The following UNC80 variants were observed in gnomAD, a reference collection of about 807,000 sequenced individuals.
UNC80 encodes the protein protein unc-80 homolog.
Under a neutral mutation model 384.6 loss-of-function variants are expected in UNC80, and 164 were observed. That is an observed-to-expected ratio of 0.43 (90% CI 0.38 to 0.49). UNC80 has a LOEUF of 0.49. Ranked by LOEUF, UNC80 falls within the 20% of genes least tolerant of loss-of-function variation. The probability of loss-of-function intolerance (pLI) is 0.00; values close to 1 mark genes in which losing one functional copy is unlikely to be tolerated. For synonymous variants in UNC80, 1,486 were observed against 1,527.8 expected, an observed-to-expected ratio of 0.97 and a Z score of 0.64; for missense variants, 3,330 against 4,143.0, an observed-to-expected ratio of 0.80 and a Z score of 5.39.
intron 26 of UNC80, among the ~76,000 whole-genome samples, chr2:209,889,961 T>G (rs1277326776): frequency 6.6e-6 from 1 of 152,200 alleles, no homozygotes; most frequent in African/African-American, 2.4e-5. Context: ...TCCACCTGCC[T>G]CGGCCTCCCA....
At chr2:209,783,360 G>C (rs1299987815) in intron 4 of UNC80, among the ~76,000 whole-genome samples, 1 of 151,968 alleles carries the variant, frequency 6.6e-6, no homozygotes, top group Non-Finnish European at 1.5e-5. Flanking sequence ...GACATTAGAG[G>C]CCCAGAGTTT....
intron 21 of UNC80, among the ~76,000 whole-genome samples, chr2:209,848,476 A>G (rs1029619364): frequency 6.6e-6 from 1 of 152,164 alleles, no homozygotes; most frequent in African/African-American, 2.4e-5. Flanking sequence ...AACGTAGGCA[A>G]AAAGTAAAGA....
intron 51 of UNC80, among the ~76,000 whole-genome samples, chr2:209,961,847 C>T (rs2092601459): frequency 6.6e-6 from 1 of 152,154 alleles, no homozygotes; most frequent in African/African-American, 2.4e-5. Context: ...AATCAAAAAG[C>T]ATGAAAATGT....
chr2:209,960,348 G>A (rs184972261), intron 51 of UNC80, among the ~76,000 whole-genome samples: 3 of 152,286 alleles, frequency 2.0e-5, no homozygotes, highest in Admixed American at 6.5e-5. Context: ...CTCGTATTTC[G>A]TCTTCCTACA....
intron 5 of UNC80, among the ~76,000 whole-genome samples, chr2:209,788,159 G>A (rs2077564825): frequency 6.6e-6 from 1 of 152,198 alleles, no homozygotes; most frequent in African/African-American, 2.4e-5. Flanking sequence ...GCTCACGCCT[G>A]TAATCCCAGC....
chr2:209,800,009 A>G (rs1054607962), intron 7 of UNC80, among the ~76,000 whole-genome samples: 1 of 152,318 alleles, frequency 6.6e-6, no homozygotes, highest in East Asian at 1.9e-4. Context: ...AATGTTCATC[A>G]GAGATATTAG....
At chr2:209,892,694 T>A (rs2124913528) in intron 26 of UNC80, among the ~76,000 whole-genome samples, 1 of 152,364 alleles carries the variant, frequency 6.6e-6, no homozygotes, top group Middle Eastern at 3.4e-3. Context: ...CTTCCGAATC[T>A]ACTTAGACAT....
chr2:209,831,900 G>C (rs1382856918), intron 16 of UNC80, among the ~76,000 whole-genome samples: 3 of 152,134 alleles, frequency 2.0e-5, no homozygotes, highest in African/African-American at 4.8e-5. Flanking sequence ...AGCACAGCTT[G>C]TTGGCTCGTA....
At chr2:209,969,629 G>A in intron 52 of UNC80, 139 bp from the exon 53 acceptor site, 2 of 1,225,312 alleles carry the variant, frequency 1.6e-6, no homozygotes, top group Non-Finnish European at 2.2e-6. Context: ...TATGCTCTGT[G>A]CTTTTGGAAC....
At chr2:209,903,098 T>A (rs886365241) in intron 28 of UNC80, among the ~76,000 whole-genome samples, 2 of 151,918 alleles carry the variant, frequency 1.3e-5, no homozygotes, top group Non-Finnish European at 2.9e-5. Context: ...TCCAGATTAC[T>A]TATAATACCT....
chr2:209,989,600 T>C (rs1394004056), intron 61 of UNC80, among the ~76,000 whole-genome samples: 4 of 152,194 alleles, frequency 2.6e-5, no homozygotes, highest in Admixed American at 1.3e-4. Context: ...ACGTAGGGAC[T>C]ATGGTGGGAC....
At chr2:209,886,135 T>A (rs2085784524) in intron 25 of UNC80, among the ~76,000 whole-genome samples, 1 of 151,938 alleles carries the variant, frequency 6.6e-6, no homozygotes, top group Non-Finnish European at 1.5e-5. Flanking sequence ...TAAAAATCTT[T>A]TAAAAAATTA....
intron 5 of UNC80, among the ~76,000 whole-genome samples, chr2:209,786,861 A>G (rs1199502355): frequency 2.0e-5 from 3 of 151,804 alleles, no homozygotes; most frequent in Non-Finnish European, 4.4e-5. Flanking sequence ...ATGAGAGTGC[A>G]TTAAGTGCCT....
intron 16 of UNC80, among the ~76,000 whole-genome samples, chr2:209,833,276 CAAAAAAAAA>C (rs554565630): frequency 1.0e-5 from 1 of 97,376 alleles, no homozygotes; most frequent in East Asian, 3.7e-4. Context: ...TTTCCTAAGG[CAAAAAAAAA>C]AAAAAAAAAA....
chr2:209,838,781 GA>G (rs1362809673), intron 18 of UNC80, among the ~76,000 whole-genome samples: 13 of 152,138 alleles, frequency 8.5e-5, no homozygotes, highest in Admixed American at 2.0e-4. Context: ...CTAACACGGT[GA>G]AACCCCATCT....
intron 29 of UNC80, among the ~76,000 whole-genome samples, chr2:209,907,610 G>A (rs1428466462): frequency 6.6e-6 from 1 of 152,170 alleles, no homozygotes; most frequent in Non-Finnish European, 1.5e-5. Flanking sequence ...ACAGAGGACT[G>A]TGATGCATGA....
At chr2:209,903,273 G>A (rs1370689588) in intron 28 of UNC80, among the ~76,000 whole-genome samples, 1 of 135,658 alleles carries the variant, frequency 7.4e-6, no homozygotes, top group Non-Finnish European at 1.5e-5. Context: ...GATATGGAGA[G>A]CTGACTTATG....
chr2:209,826,331 C>T (rs557252764), intron 14 of UNC80, among the ~76,000 whole-genome samples: 51 of 152,300 alleles, frequency 3.3e-4, no homozygotes, highest in African/African-American at 1.2e-3. Context: ...GTGTGAATTG[C>T]AGCTTGAAAG....
intron 28 of UNC80, among the ~76,000 whole-genome samples, chr2:209,904,420 T>C (rs1357927221): frequency 6.6e-6 from 1 of 152,216 alleles, no homozygotes; most frequent in East Asian, 1.9e-4. Context: ...TATGGTTCCT[T>C]CCCCAATATA....
Sources: gnomAD v4.1 joint callset for allele counts (sites outside exome capture counted in the v4.1 genomes callset) on GRCh38, gnomAD v4.1.1 for gene constraint, MANE v1.5 for transcripts, NCBI Gene and HGNC (gene_info 2026-07-23, HGNC 2026-07-21) for gene names.